The following MACF1 variants were observed in gnomAD, a reference collection of about 807,000 sequenced individuals.
The protein encoded by MACF1 is microtubule-actin cross-linking factor 1.
A neutral mutation model predicts 854.8 loss-of-function variants in MACF1; 193 were observed. The ratio of observed to expected loss-of-function variants is 0.23; its 90% CI spans 0.20 to 0.25. The LOEUF is 0.25. Ranked by LOEUF, MACF1 falls within the 10% of genes least tolerant of loss-of-function variation. The pLI, the probability that MACF1 is intolerant of heterozygous loss-of-function variation, is 1.00. For synonymous variants in MACF1, 3,185 were observed against 3,226.7 expected (o/e 0.99, Z 0.44); for missense variants, 7,722 against 8,929.1 (o/e 0.86, Z 5.45).
At chr1:39,148,641 T>C (rs1643513441) in intron 2 of MACF1, among the ~76,000 whole-genome samples, 1 of 152,228 alleles carries the variant, frequency 6.6e-6, no homozygotes, top group Admixed American at 6.5e-5. Context: ...TTTATTAATA[T>C]GTTGCTATCA....
intron 89 of MACF1, chr1:39,458,048 C>A: frequency 5.0e-6 from 1 of 200,010 alleles, no homozygotes; most frequent in Non-Finnish European, 1.0e-5. Context: ...TTTTAAACAG[C>A]CAGTTCTCAT....
rs1192045357 is a variant in MACF1 at position 39,393,181 on chromosome 1, TAAAAAAAAA to T, written c.15816+4531_15816+4539del. Among the ~76,000 whole-genome samples the T allele has an allele frequency of 7.2e-4, 65 of 90,258 alleles. 5 individuals carry two copies. Among genetic ancestry groups the T allele is most frequent in the African/African-American group, 3.0e-3 (62 of 20,440 alleles). 59.2% of individuals were successfully genotyped at this position (90,258 alleles called of 152,430 possible). On this transcript the variant is annotated intron_variant, in intron 58 of 100. Coordinates refer to ENST00000564288, the MANE Select transcript of MACF1 (RefSeq NM_001394062.1). Reference sequence around the variant, plus strand: ...CCTAGAGTGACCTTCCTGGGAAGGGTAAAAAAAAAAAAAAAATATATATATATATATATA... The same window carrying T: ...CCTAGAGTGACCTTCCTGGGAAGGGTAAAAAAATATATATATATATATATA...
At chr1:39,330,206 C>G (rs2148466526) in intron 36 of MACF1, among the ~76,000 whole-genome samples, 1 of 152,312 alleles carries the variant, frequency 6.6e-6, no homozygotes, top group Middle Eastern at 3.4e-3. Flanking sequence ...GGTCCCCAAT[C>G]TGTTTCTTCC....
At chr1:39,360,693 AT>A in intron 47 of MACF1, 99 bp from the exon 48 acceptor site, 1 of 323,438 alleles carries the variant, frequency 3.1e-6, no homozygotes, top group Non-Finnish European at 4.9e-6. Context: ...AATAATAATA[AT>A]TTTTATTATT....
At position 39,241,726 on chromosome 1, in the gene MACF1, C is replaced by T. The variant is rs954653742; in HGVS notation, c.172-8288C>T. 9.6e-5 allele frequency among the ~76,000 whole-genome samples: 14 copies of T among 145,934 alleles called. No homozygotes were observed. In the South Asian group the frequency reaches 1.5e-3, roughly 16 times the overall value. ...CTTGCTCTTTTTTGTGTATGTATGG[C>T]GGGGAGGGGGGACTCTTATTATTTA... On this transcript the variant is annotated intron_variant, in intron 2 of 100. Coordinates refer to ENST00000564288, the MANE Select transcript of MACF1 (RefSeq NM_001394062.1).
In MACF1 at chr1:39,453,825, C is replaced by T. The variant is rs1465695083; in HGVS notation, c.20861C>T (p.Thr6954Ile). Reference sequence around the variant, plus strand: ...ATCACAACCATCAAACACTGGATCACCATCATCCGAGCTCGCTTCGAGGAG... The same window carrying T: ...ATCACAACCATCAAACACTGGATCATCATCATCCGAGCTCGCTTCGAGGAG... ...DCITTIKHWI[T>I]IIRARFEEVL... The change falls in exon 88 of 101, where the codon ACC becomes ATC. Residue 6954 changes from threonine (T) to isoleucine (I), a missense_variant. Transcript: ENST00000564288. 1 of 1,614,086 alleles carries T rather than the reference C, an allele frequency of 6.2e-7. No individual in the cohort carries two copies. The highest frequency in any genetic ancestry group is 8.5e-7 in the Non-Finnish European group (1 of 1,180,046).
chr1:39,292,647 T>C (rs1645816122), intron 16 of MACF1, 119 bp from the exon 17 acceptor site: 1 of 718,650 alleles, frequency 1.4e-6, no homozygotes, highest in Non-Finnish European at 2.2e-6. Context: ...AGCTTCTGTT[T>C]TCTTAGAGCA....
intron 2 of MACF1, among the ~76,000 whole-genome samples, chr1:39,238,531 A>G (rs1332030977): frequency 6.6e-6 from 1 of 152,194 alleles, no homozygotes; most frequent in African/African-American, 2.4e-5. Context: ...CGTTGGAGGA[A>G]CTGAATCAAT....
chr1:39,327,594 C>T (rs563462989), intron 36 of MACF1, among the ~76,000 whole-genome samples: 1 of 152,234 alleles, frequency 6.6e-6, no homozygotes, highest in African/African-American at 2.4e-5. Flanking sequence ...CCTTTTTTGT[C>T]TTATGCCATT....
Position 39,469,533 on chromosome 1 carries a change from A to AT in MACF1, c.21890-8dup, listed in dbSNP as rs781540553. On this transcript the variant is annotated splice_polypyrimidine_tract_variant and intron_variant, in intron 96 of 100. Coordinates refer to ENST00000564288, the MANE Select transcript of MACF1 (RefSeq NM_001394062.1). ...CCTGTCTGTTTCTTTCTGTTTACGT[A>AT]TTTTTTATTCTAGTTCACCATCCTG... 2.2e-5 allele frequency: 34 copies of AT among 1,543,570 alleles called. No homozygotes were observed. Among genetic ancestry groups the AT allele is most frequent in the Non-Finnish European group, 2.9e-5 (33 of 1,140,890 alleles).
chr1:39,335,461 C>T lies in MACF1; in HGVS notation c.8873C>T (p.Pro2958Leu), dbSNP rs373196224. 1.9e-5 allele frequency: 30 copies of T among 1,613,918 alleles called. No homozygotes were observed. The highest frequency in any genetic ancestry group is 1.3e-4 in the Admixed American group (8 of 60,000). ...ETYCETSGKL[P>L]SEQVLQQPMN... ...TATTGTGAAACGTCAGGCAAATTGC[C>T]GAGTGAGCAGGTTTTGCAGCAACCA... Residue 2958 changes from proline (P) to leucine (L), a missense_variant, in exon 37 of 101, where the codon CCG becomes CTG. Around this residue, in one of 15 missense-constraint regions of MACF1, gnomAD observed 854 missense variants for 852.6 expected, o/e 1.00. Transcript: ENST00000564288.
chr1:39,331,083 G>T (rs1015421853), intron 36 of MACF1, 120 bp from the exon 37 acceptor site: 1 of 1,371,264 alleles, frequency 7.3e-7, no homozygotes, highest in Non-Finnish European at 9.5e-7. Flanking sequence ...ACTGTGCCTG[G>T]CCTGTATACT....
chr1:39,212,312 A>G (rs970785527), intron 1 of MACF1, among the ~76,000 whole-genome samples: 3 of 152,178 alleles, frequency 2.0e-5, no homozygotes, highest in African/African-American at 7.2e-5. Context: ...CCTCCATTGC[A>G]GCAGAACTTG....
intron 58 of MACF1, among the ~76,000 whole-genome samples, chr1:39,420,734 CCT>C (rs1643501659): frequency 6.6e-6 from 1 of 152,050 alleles, no homozygotes; most frequent in Admixed American, 6.6e-5. Flanking sequence ...TTATTTTTGT[CCT>C]CTTCCATTTT....
intron 84 of MACF1, among the ~76,000 whole-genome samples, chr1:39,450,318 T>TA (rs1644315554): frequency 6.8e-6 from 1 of 147,458 alleles, no homozygotes; most frequent in Non-Finnish European, 1.5e-5. Flanking sequence ...TTTTTTTTTA[T>TA]GAGGTGACTG....
upstream of MACF1, among the ~76,000 whole-genome samples, chr1:39,203,335 T>A (rs1644414721): frequency 6.6e-6 from 1 of 152,148 alleles, no homozygotes; most frequent in African/African-American, 2.4e-5. Context: ...CCCCAGTAGC[T>A]GGGACTATAC....
intron 2 of MACF1, among the ~76,000 whole-genome samples, chr1:39,109,654 C>T (rs573329883): frequency 5.3e-5 from 8 of 150,760 alleles, no homozygotes; most frequent in African/African-American, 1.5e-4. Context: ...TTTAGAAAAA[C>T]GTTGATTTAT....
At position 39,347,217 on chromosome 1, in the gene MACF1, C is replaced by G. The variant is rs1419183370; in HGVS notation, c.10815+7C>G. 2 of 1,599,260 alleles carry G rather than the reference C, an allele frequency of 1.3e-6. No homozygotes were observed. Among genetic ancestry groups the G allele is most frequent in the Non-Finnish European group, 8.6e-7 (1 of 1,167,148 alleles). ...GCAGGAAGCCCTGGTGAAGGTCAGA[C>G]TGAACCAGCAGCTGGGCTCAGTTTG... On this transcript the variant is annotated splice_region_variant and intron_variant, in intron 41 of 100. Transcript: ENST00000564288.
At chr1:39,187,967 TCTCCCCTCCTCTCCC>T (rs1457938463) in intron 2 of MACF1, among the ~76,000 whole-genome samples, 5 of 49,434 alleles carry the variant, frequency 1.0e-4, no homozygotes, top group Admixed American at 5.1e-4. Flanking sequence ...CCTCCCCTCC[TCTCCCCTCCTCTCCC>T]CTCCCCTCCC....
Sources: gnomAD v4.1 joint callset for allele counts (sites outside exome capture counted in the v4.1 genomes callset) on GRCh38, gnomAD v4.1.1 for gene constraint, gnomAD v4.1.1 regional missense constraint, MANE v1.5 for transcripts, NCBI Gene and HGNC (gene_info 2026-07-23, HGNC 2026-07-21) for gene names.